EMC7: variants seen among roughly 807,000 people sequenced by gnomAD.
EMC7 encodes endoplasmic reticulum membrane protein complex subunit 7.
In EMC7, 4 loss-of-function variants were observed where a neutral mutation model predicts 24.4. The ratio of observed to expected loss-of-function variants is 0.16; its 90% CI spans 0.08 to 0.38. EMC7 has a LOEUF of 0.38. Ranked by LOEUF, EMC7 falls within the 10% of genes least tolerant of loss-of-function variation. EMC7 has a pLI of 1.00. For synonymous variants in EMC7, 106 were observed against 112.0 expected (o/e 0.95, Z 0.34); for missense variants, 221 against 300.6 (o/e 0.74, Z 1.96).
chr15:34,089,426 C>A (rs779520519), intron 3 of EMC7, among the ~76,000 whole-genome samples: 101 of 152,120 alleles, frequency 6.6e-4, no homozygotes, highest in Admixed American at 1.7e-3. Flanking sequence ...AAATGTACAT[C>A]TATTAGGCAC....
At chr15:34,085,706 T>C (rs1464302582) in intron 4 of EMC7, among the ~76,000 whole-genome samples, 2 of 152,158 alleles carry the variant, frequency 1.3e-5, no homozygotes, top group Admixed American at 6.5e-5. Flanking sequence ...GCGAAAGAAA[T>C]ATTGTAAACA....
intron 1 of EMC7, among the ~76,000 whole-genome samples, chr15:34,098,427 G>A (rs905519717): frequency 6.6e-6 from 1 of 150,998 alleles, no homozygotes; most frequent in Non-Finnish European, 1.5e-5. Context: ...ACTTCTTAAT[G>A]GGACCCTGAC....
rs1380941631 is a variant in EMC7, at chr15:34,086,463, T to C, written c.576+1590A>G. Reference sequence around the variant, plus strand: ...TTTTTTTTTTAACGGAGTTTTGCTCTTATTGCCCAGGCTGGAGTGCAATGG... The same window carrying C: ...TTTTTTTTTTAACGGAGTTTTGCTCCTATTGCCCAGGCTGGAGTGCAATGG... On this transcript the variant is annotated intron_variant, in intron 4 of 4. Coordinates refer to ENST00000256545, the MANE Select transcript of EMC7 (RefSeq NM_020154.3). 1.9e-5 allele frequency: 3 copies of C among 157,348 alleles called. No homozygotes were observed. In the East Asian group the frequency reaches 5.7e-4, roughly 30 times the overall value. The allele number at this position is 157,348 out of a possible 1,614,324, so 9.7% of individuals were successfully genotyped here.
chr15:34,101,689 C>T lies in EMC7; in HGVS notation c.151G>A (p.Ala51Thr). ...IGDRFKIEGR[A>T]VVPGVKPQDW... The stretch of plus-strand genomic sequence containing the variant: ...TGAGGCTTCACCCCTGGAACAACTG[C>T]ACGCCCCTCAATCTTGAAGCGATCT... The change falls in exon 1 of 5, where the codon GCA (alanine) becomes ACA (threonine). Residue 51 changes from alanine to threonine, a missense_variant. Transcript: ENST00000256545. The T allele has an allele frequency of 6.2e-7, 1 of 1,613,860 alleles. No individual in the cohort carries two copies. The highest frequency in any genetic ancestry group is 1.1e-5 in the South Asian group (1 of 91,022).
chr15:34,101,436 G>C (rs1901171854), intron 1 of EMC7, among the ~76,000 whole-genome samples, 168 bp downstream of exon 1: 1 of 152,082 alleles, frequency 6.6e-6, no homozygotes, highest in African/African-American at 2.4e-5. Flanking sequence ...ACCAGGAAAG[G>C]GAAAGCATCC....
chr15:34,091,923 T>C (rs1246148510), intron 2 of EMC7, among the ~76,000 whole-genome samples: 1 of 152,168 alleles, frequency 6.6e-6, no homozygotes, highest in African/African-American at 2.4e-5. Flanking sequence ...GAACTGAAAA[T>C]CCCACATATA....
chr15:34,092,341 C>T (rs1430656251), intron 2 of EMC7, among the ~76,000 whole-genome samples: 1 of 151,644 alleles, frequency 6.6e-6, no homozygotes, highest in African/African-American at 2.4e-5. Flanking sequence ...TACTCTGTCA[C>T]ACCCCCAATT....
At chr15:34,096,599 A>G (rs1901071305) in intron 1 of EMC7, among the ~76,000 whole-genome samples, 1 of 152,182 alleles carries the variant, frequency 6.6e-6, no homozygotes, top group Admixed American at 6.5e-5. Flanking sequence ...CAGAAACACA[A>G]TTCCCATTCT....
chr15:34,097,039 C>CTTCTTTTTTT (rs1555523492), intron 1 of EMC7, among the ~76,000 whole-genome samples: 2,000 of 97,450 alleles, frequency 0.021, 96 homozygotes, highest in Non-Finnish European at 0.029. Context: ...TGTTCTTCTT[C>CTTCTTTTTTT]TTTTTTTTTT....
chr15:34,092,616 G>C (rs1176872433), intron 2 of EMC7, among the ~76,000 whole-genome samples: 1 of 152,020 alleles, frequency 6.6e-6, no homozygotes, highest in East Asian at 1.9e-4. Context: ...AAAGTGCTGG[G>C]ATTACAGGTG....
chr15:34,097,535 C>G (rs905819587), intron 1 of EMC7, among the ~76,000 whole-genome samples: 27 of 151,970 alleles, frequency 1.8e-4, no homozygotes, highest in Non-Finnish European at 3.7e-4. Flanking sequence ...TTTCATTTCA[C>G]AGATCAAAAT....
intron 2 of EMC7, among the ~76,000 whole-genome samples, chr15:34,092,261 TCA>T (rs375005510): frequency 1.5e-4 from 21 of 141,662 alleles, no homozygotes; most frequent in African/African-American, 4.2e-4. Flanking sequence ...TGAGACTCCG[TCA>T]CACACACACA....
At chr15:34,098,721 G>A (rs1165381167) in intron 1 of EMC7, among the ~76,000 whole-genome samples, 3 of 149,578 alleles carry the variant, frequency 2.0e-5, no homozygotes, top group African/African-American at 7.4e-5. Flanking sequence ...CGCCTGCCTC[G>A]GCCTCCCAAA....
In EMC7 at chr15:34,090,410, C is replaced by T. The variant is rs1484002400; in HGVS notation, c.402G>A (p.Leu134=). ...AAGATTTCATTTGGAGAGGATAGGG[C>T]AGTCTGACAACCTCTGATGTTTTGA... ...NYIKTSEVVR[L]PYPLQMKSSG... The change falls in exon 3 of 5, where the codon CTG becomes CTA. Residue 134 remains leucine (L), a synonymous_variant. Transcript: ENST00000256545. The T allele has an allele frequency of 1.9e-6, 3 of 1,613,894 alleles. No individual in the cohort carries two copies. Among genetic ancestry groups the T allele is most frequent in the African/African-American group, 1.3e-5 (1 of 74,922 alleles).
chr15:34,093,782 T>TACACACACACATAC (rs1555523288), intron 2 of EMC7, among the ~76,000 whole-genome samples: 2 of 23,394 alleles, frequency 8.5e-5, no homozygotes, highest in African/African-American at 1.2e-4. Flanking sequence ...CATATATGTA[T>TACACACACACATAC]ACACACACAC....
chr15:34,097,610 A>G (rs1901097859), intron 1 of EMC7, among the ~76,000 whole-genome samples: 1 of 152,214 alleles, frequency 6.6e-6, no homozygotes, highest in African/African-American at 2.4e-5. Flanking sequence ...GTTTCAGGAA[A>G]ACAAATGGTT....
intron 1 of EMC7, among the ~76,000 whole-genome samples, chr15:34,097,588 A>T (rs1901097592): frequency 6.6e-6 from 1 of 150,944 alleles, no homozygotes; most frequent in South Asian, 2.1e-4. Context: ...TGAGGGGGGA[A>T]AAAAAGTTTA....
chr15:34,091,105 G>A (rs8041507), intron 2 of EMC7, among the ~76,000 whole-genome samples: 151,031 of 152,322 alleles, frequency 0.99, 74,887 homozygotes, highest in Middle Eastern at 1. Context: ...CACTTCATCA[G>A]ACTTCTGCTC....
intron 1 of EMC7, among the ~76,000 whole-genome samples, chr15:34,101,285 G>C (rs529950759): frequency 3.3e-5 from 5 of 152,138 alleles, no homozygotes; most frequent in Non-Finnish European, 7.3e-5. Flanking sequence ...TCCAACAAGA[G>C]ACTAATAAGG....
Sources: allele counts gnomAD v4.1 joint callset (sites outside exome capture counted in the v4.1 genomes callset), GRCh38; gene constraint gnomAD v4.1.1; transcripts MANE v1.5; gene names NCBI Gene and HGNC (gene_info 2026-07-23, HGNC 2026-07-21).